Variants in SMARCA5 observed in about 807,000 individuals in gnomAD.
SMARCA5 encodes SNF2 related chromatin remodeling ATPase 5.
Under a neutral mutation model 140.4 loss-of-function variants are expected in SMARCA5, and 18 were observed. That is an observed-to-expected ratio of 0.13 (90% CI 0.09 to 0.19). SMARCA5 has a LOEUF of 0.19. Among genes scored for constraint, SMARCA5 ranks in the 10% least tolerant of loss-of-function variants. The pLI, the probability that SMARCA5 is intolerant of heterozygous loss-of-function variation, is 1.00. For synonymous variants in SMARCA5, 449 were observed against 419.6 expected (o/e 1.07, Z -0.86); for missense variants, 606 against 1,276.8 (o/e 0.47, Z 8.01).
rs765362128 is a variant in SMARCA5, at chr4:143,538,927, C to A, written c.1759C>A (p.Leu587Ile). ...TTCTGATTGGAATCCCCAAGTAGAT[C>A]TTCAGGCTATGGTAAGAGATAACGA... ...YDSDWNPQVD[L>I]QAMDRAHRIG... The change falls in exon 13 of 24, where the codon CTT becomes ATT. Residue 587 changes from leucine to isoleucine, a missense_variant. By Grantham distance (5) the Leu-to-Ile change is conservative (BLOSUM62 2). Around this residue, in one of 10 missense-constraint regions of SMARCA5, gnomAD observed 62 missense variants for 256.6 expected, o/e 0.24. Transcript: ENST00000283131. 6.2e-7 allele frequency: 1 copy of A among 1,613,694 alleles called. No individual in the cohort carries two copies. Among genetic ancestry groups the A allele is most frequent in the Non-Finnish European group, 8.5e-7 (1 of 1,179,762 alleles).
Position 143,528,728 on chromosome 4 carries a change from G to A in SMARCA5, c.1089+14G>A. The A allele has an allele frequency of 1.2e-6, 2 of 1,600,298 alleles. No individual in the cohort carries two copies. Among genetic ancestry groups the A allele is most frequent in the Middle Eastern group, 3.3e-4 (2 of 5,972 alleles). On this transcript the variant is annotated intron_variant, in intron 8 of 23. Coordinates refer to ENST00000283131, the MANE Select transcript of SMARCA5 (RefSeq NM_003601.4). Reference sequence around the variant, plus strand: ...AATTCAGCAGATGTAAGTATTTCCTGGTGCTTTCTGGTTAATAATAATATT... The same window carrying A: ...AATTCAGCAGATGTAAGTATTTCCTAGTGCTTTCTGGTTAATAATAATATT...
chr4:143,516,860 TTAGAG>T lies in SMARCA5; in HGVS notation c.178-492_178-488del, dbSNP rs532625106. On this transcript the variant is annotated intron_variant, in intron 1 of 23. Coordinates refer to ENST00000283131, the MANE Select transcript of SMARCA5 (RefSeq NM_003601.4). ...TACTAGTTTAGGAATCAGACTGTAGTTAGAGTATTCAATTTAGGCTGCGAGATAAA... is the reference window on the plus strand; with the variant it reads ...TACTAGTTTAGGAATCAGACTGTAGTTATTCAATTTAGGCTGCGAGATAAA... Among the ~76,000 whole-genome samples the T allele has an allele frequency of 2.6e-3, 401 of 152,304 alleles. 1 individual carries two copies. Among genetic ancestry groups the T allele is most frequent in the African/African-American group, 9.2e-3 (384 of 41,570 alleles).
At chr4:143,530,566 G>C (rs747160151) in intron 9 of SMARCA5, 40 bp downstream of exon 9, 1 of 1,337,442 alleles carries the variant, frequency 7.5e-7, no homozygotes, top group Admixed American at 1.9e-5. Flanking sequence ...ATTTATGATG[G>C]GAAAAAGGAT....
intron 9 of SMARCA5, among the ~76,000 whole-genome samples, chr4:143,534,094 C>G (rs1261355316): frequency 6.6e-6 from 1 of 151,840 alleles, no homozygotes; most frequent in Non-Finnish European, 1.5e-5. Flanking sequence ...TAATGTATTG[C>G]TTTAAATAAT....
At chr4:143,527,448 C>G (rs1737097898) in intron 6 of SMARCA5, among the ~76,000 whole-genome samples, 1 of 152,138 alleles carries the variant, frequency 6.6e-6, no homozygotes, top group African/African-American at 2.4e-5. Flanking sequence ...TAAAATAATA[C>G]TATTAGGAAT....
Position 143,524,005 on chromosome 4 carries a change from CAT to C in SMARCA5, c.420-361_420-360del, listed in dbSNP as rs542492426. Among the ~76,000 whole-genome samples, 925 of 152,126 alleles carry C rather than the reference CAT, an allele frequency of 6.1e-3. 6 individuals are homozygous for C. The highest frequency in any genetic ancestry group is 8.3e-3 in the Admixed American group (127 of 15,282). ...TTTTGCTCGAAGTTACAATTTTAAACATGTGGTTTCTGGAACTTTTTTTTCCT... is the reference window on the plus strand; with the variant it reads ...TTTTGCTCGAAGTTACAATTTTAAACGTGGTTTCTGGAACTTTTTTTTCCT... On this transcript the variant is annotated intron_variant, in intron 3 of 23. Coordinates refer to ENST00000283131, the MANE Select transcript of SMARCA5 (RefSeq NM_003601.4).
intron 9 of SMARCA5, among the ~76,000 whole-genome samples, chr4:143,531,190 A>G (rs969052458): frequency 6.6e-6 from 1 of 152,230 alleles, no homozygotes; most frequent in Non-Finnish European, 1.5e-5. Flanking sequence ...TCACTTTTGA[A>G]AGGGCTAAAG....
intron 1 of SMARCA5, among the ~76,000 whole-genome samples, chr4:143,515,464 GT>G (rs1158667981): frequency 2.0e-5 from 3 of 152,078 alleles, no homozygotes; most frequent in Non-Finnish European, 2.9e-5. Flanking sequence ...GGCTTAAGGG[GT>G]TTGACACAAA....
At chr4:143,548,866 G>A (rs1027728102) in intron 22 of SMARCA5, among the ~76,000 whole-genome samples, 4 of 152,154 alleles carry the variant, frequency 2.6e-5, no homozygotes, top group Middle Eastern at 6.8e-3. Context: ...AAAGTAAAAT[G>A]TCACTTTGTA....
chr4:143,533,601 G>A (rs564027066), intron 9 of SMARCA5, among the ~76,000 whole-genome samples: 3 of 146,372 alleles, frequency 2.0e-5, no homozygotes, highest in African/African-American at 5.0e-5. Context: ...TCCGCCTCCC[G>A]GGTTCACACC....
rs780552850 is a variant in SMARCA5, at chr4:143,548,011, T to C, written c.2856T>C (p.Asp952=). The change falls in exon 22 of 24, where the codon GAT becomes GAC. Residue 952 remains aspartate, a synonymous_variant. Transcript: ENST00000283131. ...NKGKNYTEEE[D]RFLICMLHKL... is the part of the protein sequence containing the mutation. ...GAAAAAACTATACTGAAGAAGAAGATCGTTTTCTGATTTGTATGCTTCACA... is the reference window on the plus strand; with the variant it reads ...GAAAAAACTATACTGAAGAAGAAGACCGTTTTCTGATTTGTATGCTTCACA... 1.9e-6 allele frequency: 3 copies of C among 1,610,320 alleles called. No homozygotes were observed. Among genetic ancestry groups the C allele is most frequent in the Non-Finnish European group, 2.5e-6 (3 of 1,176,834 alleles).
chr4:143,536,689 C>G lies in SMARCA5; in HGVS notation c.1495+11C>G. On this transcript the variant is annotated intron_variant, in intron 11 of 23. Transcript: ENST00000283131. Reference sequence around the variant, plus strand: ...AGTTAAAAGAACAAGGTATCGGTTACCCGTATCAAATTATCAAAACTGTTT... The same window carrying G: ...AGTTAAAAGAACAAGGTATCGGTTAGCCGTATCAAATTATCAAAACTGTTT... 2 of 1,574,560 alleles carry G rather than the reference C, an allele frequency of 1.3e-6. No homozygotes were observed. The highest frequency in any genetic ancestry group is 1.7e-6 in the Non-Finnish European group (2 of 1,145,830).
rs1010611518 is a variant in SMARCA5, at chr4:143,548,148, C to G, written c.2985+8C>G. 3 of 1,561,396 alleles carry G rather than the reference C, an allele frequency of 1.9e-6. No individual in the cohort carries two copies. The African/African-American group carries it at 4.1e-5, about 21-fold the overall frequency. Reference sequence around the variant, plus strand: ...AAGTCCAGAACTGCAATGGTGAGTGCTCAGGGCTTTTTTGTGTAATGTAGC... The same window carrying G: ...AAGTCCAGAACTGCAATGGTGAGTGGTCAGGGCTTTTTTGTGTAATGTAGC... On this transcript the variant is annotated splice_region_variant and intron_variant, in intron 22 of 23. Transcript: ENST00000283131.
At position 143,555,276 on chromosome 4, in the gene SMARCA5, C is replaced by A; in HGVS notation, c.*2092C>A. 1 of 834,552 alleles carries A rather than the reference C, an allele frequency of 1.2e-6. No individual in the cohort carries two copies. Among genetic ancestry groups the A allele is most frequent in the South Asian group, 1.3e-5 (1 of 76,208 alleles). The allele number at this position is 834,552 out of a possible 1,614,324, so 51.7% of individuals were successfully genotyped here. A position where few individuals can be genotyped will look rare whatever the true frequency, so the allele number is the denominator to read the frequency against. On this transcript the variant is annotated 3_prime_UTR_variant, in exon 24 of 24. Transcript: ENST00000283131. The stretch of plus-strand genomic sequence containing the variant: ...CCAAAATTTGAAGACTGATTGTTGT[C>A]ATTGCCAAAATCATTGTAGCTTTTA...
chr4:143,519,563 T>C (rs1227118493), intron 2 of SMARCA5, among the ~76,000 whole-genome samples: 1 of 152,106 alleles, frequency 6.6e-6, no homozygotes, highest in East Asian at 1.9e-4. Flanking sequence ...TTTTCGTTTC[T>C]TCCAGGTTTT....
intron 23 of SMARCA5, among the ~76,000 whole-genome samples, chr4:143,551,641 A>T (rs531599576): frequency 6.6e-6 from 1 of 152,206 alleles, no homozygotes; most frequent in South Asian, 2.1e-4. Flanking sequence ...ATTACCATTT[A>T]TTGAAGAGAC....
chr4:143,522,142 T>C (rs7662645), intron 3 of SMARCA5, among the ~76,000 whole-genome samples: 31,976 of 152,102 alleles, frequency 0.21, 3,363 homozygotes, highest in South Asian at 0.29. Flanking sequence ...ATGTTGACAG[T>C]ATTTTATCTA....
rs1239395984 is a variant in SMARCA5, at chr4:143,555,671, A to G, written c.*2487A>G. The G allele has an allele frequency of 4.3e-6, 1 of 231,290 alleles. No individual in the cohort carries two copies. Among genetic ancestry groups the G allele is most frequent in the African/African-American group, 2.3e-5 (1 of 42,706 alleles). 14.3% of individuals were successfully genotyped at this position (231,290 alleles called of 1,614,324 possible). A position where few individuals can be genotyped will look rare whatever the true frequency, so the allele number is the denominator to read the frequency against. ...GTGTAATTATTACTACTTTTAAGAG[A>G]CAGGGTCTTGCTCTGTCACCCAGGC... On this transcript the variant is annotated 3_prime_UTR_variant, in exon 24 of 24. Coordinates refer to ENST00000283131, the MANE Select transcript of SMARCA5 (RefSeq NM_003601.4).
At chr4:143,530,682 T>C (rs1737165782) in intron 9 of SMARCA5, among the ~76,000 whole-genome samples, 156 bp downstream of exon 9, 1 of 152,150 alleles carries the variant, frequency 6.6e-6, no homozygotes, top group South Asian at 2.1e-4. Context: ...TTACAATCAG[T>C]GTAGGGGGTG....
Sources: allele counts gnomAD v4.1 joint callset (sites outside exome capture counted in the v4.1 genomes callset), GRCh38; gene constraint gnomAD v4.1.1; regional missense constraint gnomAD v4.1.1; transcripts MANE v1.5; gene names NCBI Gene and HGNC (gene_info 2026-07-23, HGNC 2026-07-21).